The following ZNF518B variants were observed in gnomAD, a reference collection of about 807,000 sequenced individuals.
The protein encoded by ZNF518B is zinc finger protein 518B.
ZNF518B carries 23 observed loss-of-function variants against 56.3 expected under a neutral mutation model. The ratio of observed to expected loss-of-function variants is 0.41; its 90% CI spans 0.29 to 0.58. The LOEUF (loss-of-function observed/expected upper bound fraction) is 0.58, where lower values mean the gene tolerates loss of function less well. ZNF518B is among the 20% of genes least tolerant of loss of function. The pLI is 0.32. For missense variants in ZNF518B, 1,460 were observed against 1,272.1 expected (o/e 1.15, Z -2.25); for synonymous variants, 529 against 465.9 (o/e 1.14, Z -1.74).
chr4:10,444,997 ATT>A lies in ZNF518B; in HGVS notation c.1330_1331del (p.Asn444PhefsTer2). 8 of 1,614,182 alleles carry A rather than the reference ATT, an allele frequency of 5.0e-6. No individual in the cohort carries two copies. Among genetic ancestry groups the A allele is most frequent in the Non-Finnish European group, 6.8e-6 (8 of 1,180,038 alleles). ...WVRSYDFIMP[N>X]SSVHNNGKSF... The stretch of plus-strand genomic sequence containing the variant: ...ATTTTCCATTGTTGTGCACACTAGA[ATT>A]TGGCATAATAAAATCATAAGACCTT... On this transcript the variant is annotated frameshift_variant, in exon 3 of 3. Transcript: ENST00000326756. LOFTEE classifies it high-confidence loss of function.
upstream of ZNF518B, among the ~76,000 whole-genome samples, chr4:10,459,187 G>C (rs1238554798): frequency 1.3e-5 from 2 of 152,206 alleles, no homozygotes; most frequent in Non-Finnish European, 2.9e-5. Context: ...CACAGTCCCT[G>C]GCAGATAGAA....
chr4:10,458,148 G>A (rs997115317), upstream of ZNF518B, among the ~76,000 whole-genome samples: 3 of 152,062 alleles, frequency 2.0e-5, no homozygotes, highest in Non-Finnish European at 4.4e-5. Flanking sequence ...TCTACGGTCC[G>A]GAAGGAAGAC....
At chr4:10,460,569 C>T (rs1251960030), upstream of ZNF518B, among the ~76,000 whole-genome samples, 3 of 151,978 alleles carry the variant, frequency 2.0e-5, no homozygotes, top group East Asian at 1.9e-4. Flanking sequence ...CTGAGGTGGG[C>T]GCTTTTGAGG....
rs546405352 is a variant in ZNF518B at position 10,454,555 on chromosome 4, G to C, written c.-212+250C>G. Reference sequence around the variant, plus strand: ...TCACGGAGCACCTTGGCCCAAGTCAGATGGAAAGAGTGCCTGCATGAGCAG... The same window carrying C: ...TCACGGAGCACCTTGGCCCAAGTCACATGGAAAGAGTGCCTGCATGAGCAG... On this transcript the variant is annotated intron_variant, in intron 2 of 2. Coordinates refer to ENST00000326756, the MANE Select transcript of ZNF518B (RefSeq NM_053042.3). 24 of 152,368 alleles carry C rather than the reference G, an allele frequency of 1.6e-4. No individual in the cohort carries two copies. The East Asian group carries it at 4.4e-3, about 28-fold the overall frequency. The allele number at this position is 152,368 out of a possible 1,614,324, so 9.4% of individuals were successfully genotyped here. A position where few individuals can be genotyped will look rare whatever the true frequency, so the allele number is the denominator to read the frequency against.
chr4:10,444,799 A>ATATGGAAAAGGGTTTGAT lies in ZNF518B; in HGVS notation c.1529_1530insATCAAACCCTTTTCCATA (p.Ala510_Val511insSerAsnProPheProTyr). 6.2e-7 allele frequency: 1 copy of ATATGGAAAAGGGTTTGAT among 1,613,968 alleles called. No homozygotes were observed. Among genetic ancestry groups the ATATGGAAAAGGGTTTGAT allele is most frequent in the South Asian group, 1.1e-5 (1 of 91,066 alleles). On this transcript the variant is annotated inframe_insertion, in exon 3 of 3. Coordinates refer to ENST00000326756, the MANE Select transcript of ZNF518B (RefSeq NM_053042.3). ...TTCTTCCACTTTCAGCAAAACAAAC[A>ATATGGAAAAGGGTTTGAT]GCAGCTTTATATGGAAAAGGGTTTG...
At position 10,445,019 on chromosome 4, in the gene ZNF518B, G is replaced by T; in HGVS notation, c.1310C>A (p.Ser437Tyr). The T allele has an allele frequency of 6.2e-7, 1 of 1,614,106 alleles. No homozygotes were observed. The highest frequency in any genetic ancestry group is 8.5e-7 in the Non-Finnish European group (1 of 1,180,012). ...KQLKNVKWVR[S>Y]YDFIMPNSSV... Reference sequence around the variant, plus strand: ...AGAATTTGGCATAATAAAATCATAAGACCTTACCCATTTCACATTTTTAAG... The same window carrying T: ...AGAATTTGGCATAATAAAATCATAATACCTTACCCATTTCACATTTTTAAG... The change falls in exon 3 of 3, where the codon TCT (serine) becomes TAT (tyrosine). Residue 437 changes from serine to tyrosine, a missense_variant. By Grantham distance (144) the Ser-to-Tyr change is moderately radical. Transcript: ENST00000326756.
At position 10,442,148 on chromosome 4, in the gene ZNF518B, C is replaced by T. The variant is rs1392349266; in HGVS notation, c.*956G>A. The T allele has an allele frequency of 6.6e-6, 1 of 152,146 alleles. No individual in the cohort carries two copies. Among genetic ancestry groups the T allele is most frequent in the Non-Finnish European group, 1.5e-5 (1 of 68,040 alleles). The allele number at this position is 152,146 out of a possible 1,614,324, so 9.4% of individuals were successfully genotyped here. ...CAAGAAGAGAGAAGACAGCATCCAC[C>T]CATGGTCTTTGGATGAATCCCAAAT... On this transcript the variant is annotated 3_prime_UTR_variant, in exon 3 of 3. Transcript: ENST00000326756.
In ZNF518B at chr4:10,443,649, CTTG is replaced by C. The variant is rs754488123; in HGVS notation, c.2677_2679del (p.Gln893del). 6 of 1,613,912 alleles carry C rather than the reference CTTG, an allele frequency of 3.7e-6. No homozygotes were observed. Among genetic ancestry groups the C allele is most frequent in the Admixed American group, 3.3e-5 (2 of 59,976 alleles). ...TTGTTTTTCTTCCTGGATAAGTGTA[CTTG>C]TTTGGTTTTATTTCTACTTATAGAA... On this transcript the variant is annotated inframe_deletion, in exon 3 of 3. Transcript: ENST00000326756.
rs1715171852 is a variant in ZNF518B at position 10,448,655 on chromosome 4, AG to A, written c.-211-2117del. ...AGCAGATGGAGGCCTGCAGGGTTGC[AG>A]TGGGGGGCTGGAGAAACATCTGTCC... On this transcript the variant is annotated intron_variant, in intron 2 of 2. Coordinates refer to ENST00000326756, the MANE Select transcript of ZNF518B (RefSeq NM_053042.3). Among the ~76,000 whole-genome samples the A allele has an allele frequency of 3.3e-5, 5 of 152,074 alleles. No individual in the cohort carries two copies. The South Asian group carries it at 1.0e-3, about 32-fold the overall frequency.
intron 2 of ZNF518B, among the ~76,000 whole-genome samples, chr4:10,447,273 G>C (rs1021682733): frequency 1.3e-5 from 2 of 152,186 alleles, no homozygotes; most frequent in African/African-American, 4.8e-5. Flanking sequence ...AGGCCAACAG[G>C]ACAGGGAAGA....
At chr4:10,448,239 A>T (rs1715154341) in intron 2 of ZNF518B, among the ~76,000 whole-genome samples, 1 of 152,176 alleles carries the variant, frequency 6.6e-6, no homozygotes. Context: ...AAGTGTCAAG[A>T]GGCACCCAGA....
chr4:10,447,253 GA>G (rs1013186195), intron 2 of ZNF518B, among the ~76,000 whole-genome samples: 1 of 152,144 alleles, frequency 6.6e-6, no homozygotes, highest in African/African-American at 2.4e-5. Flanking sequence ...AGATACTTGG[GA>G]AAAAAGCAAG....
In ZNF518B at chr4:10,444,197, T is replaced by C. The variant is rs2108984850; in HGVS notation, c.2132A>G (p.Asn711Ser). 4 of 1,614,192 alleles carry C rather than the reference T, an allele frequency of 2.5e-6. No individual in the cohort carries two copies. The highest frequency in any genetic ancestry group is 2.2e-5 in the East Asian group (1 of 44,884). The change falls in exon 3 of 3, where the codon AAC becomes AGC. Residue 711 changes from asparagine to serine, a missense_variant. Coordinates refer to ENST00000326756, the MANE Select transcript of ZNF518B (RefSeq NM_053042.3). ...KATSEGIQEINVSLTGLGHST... is the reference protein window; with the variant it reads ...KATSEGIQEISVSLTGLGHST... ...ATGGCCAAGACCAGTGAGTGACACG[T>C]TGATTTCTTGAATACCTTCAGAGGT...
At chr4:10,448,089 G>A (rs1715149250) in intron 2 of ZNF518B, among the ~76,000 whole-genome samples, 1 of 152,166 alleles carries the variant, frequency 6.6e-6, no homozygotes, top group Admixed American at 6.5e-5. Context: ...TAGATCTTCT[G>A]AACCTCAGTT....
In ZNF518B at chr4:10,441,896, A is replaced by G. The variant is rs1488526748; in HGVS notation, c.*1208T>C. ...AAGACAAATTAGAAACAGCGTTACT[A>G]TCAATGAAAACTAGGGATCGTGTTC... On this transcript the variant is annotated 3_prime_UTR_variant, in exon 3 of 3. Coordinates refer to ENST00000326756, the MANE Select transcript of ZNF518B (RefSeq NM_053042.3). 1 of 152,250 alleles carries G rather than the reference A, an allele frequency of 6.6e-6. No individual in the cohort carries two copies. Among genetic ancestry groups the G allele is most frequent in the Non-Finnish European group, 1.5e-5 (1 of 68,042 alleles). The allele number at this position is 152,250 out of a possible 1,614,324, so 9.4% of individuals were successfully genotyped here. A position where few individuals can be genotyped will look rare whatever the true frequency, so the allele number is the denominator to read the frequency against.
Position 10,445,546 on chromosome 4 carries a change from T to C in ZNF518B, c.783A>G (p.Ser261=), listed in dbSNP as rs763005190. 1.1e-5 allele frequency: 17 copies of C among 1,614,220 alleles called. No homozygotes were observed. Among genetic ancestry groups the C allele is most frequent in the Middle Eastern group, 1.6e-4 (1 of 6,062 alleles). Residue 261 remains serine (S), a synonymous_variant, in exon 3 of 3, where the codon TCA becomes TCG. Transcript: ENST00000326756. ...CTTTATTTGCATGGAGAGAGAAACC[T>C]GACAGTTGGTCTGACCACTTATTTT... ...TFQNKWSDQL[S]GFSLHANKDK... is the part of the protein sequence containing the mutation.
In ZNF518B at chr4:10,445,159, A is replaced by G; in HGVS notation, c.1170T>C (p.Gly390=). The G allele has an allele frequency of 6.2e-7, 1 of 1,613,798 alleles. No individual in the cohort carries two copies. Among genetic ancestry groups the G allele is most frequent in the South Asian group, 1.1e-5 (1 of 91,062 alleles). Residue 390 remains glycine, a synonymous_variant, in exon 3 of 3, where the codon GGT becomes GGC. Transcript: ENST00000326756. ...AAAGTACTTTTTCTTGTTCATTTGA[A>G]CCCTTCTCTTTCACCATACGTTCAG... ...GNSERMVKEK[G]SNEQEKVLSA...
At chr4:10,459,769 A>C (rs1022518874), upstream of ZNF518B, among the ~76,000 whole-genome samples, 1 of 152,188 alleles carries the variant, frequency 6.6e-6, no homozygotes, top group Non-Finnish European at 1.5e-5. Flanking sequence ...TGGAAAAGGC[A>C]GGGAGGATCC....
At chr4:10,447,032 T>A (rs1375053244) in intron 2 of ZNF518B, among the ~76,000 whole-genome samples, 2 of 152,228 alleles carry the variant, frequency 1.3e-5, no homozygotes, top group Non-Finnish European at 2.9e-5. Flanking sequence ...ACTCTCTCAC[T>A]TACATGCTTA....
Sources: allele counts gnomAD v4.1 joint callset (sites outside exome capture counted in the v4.1 genomes callset), GRCh38; gene constraint gnomAD v4.1.1; transcripts MANE v1.5; gene names NCBI Gene and HGNC (gene_info 2026-07-23, HGNC 2026-07-21).